KAZN: variants seen among roughly 807,000 people sequenced by gnomAD.
The protein encoded by KAZN is kazrin.
In KAZN, 40 loss-of-function variants were observed where a neutral mutation model predicts 87.4. The ratio of observed to expected loss-of-function variants is 0.46; its 90% CI spans 0.36 to 0.60. The LOEUF (loss-of-function observed/expected upper bound fraction) is 0.60. Ranked by LOEUF, KAZN falls within the 20% of genes least tolerant of loss-of-function variation. The probability of loss-of-function intolerance (pLI) is 0.00; values close to 1 mark genes in which losing one functional copy is unlikely to be tolerated. For missense variants in KAZN, 898 were observed against 1,073.9 expected (o/e 0.84, Z 2.29); for synonymous variants, 466 against 458.3 (o/e 1.02, Z -0.22).
chr1:14,604,505 A>C (rs933180369), intron 1 of KAZN, among the ~76,000 whole-genome samples: 1 of 152,158 alleles, frequency 6.6e-6, no homozygotes, highest in Non-Finnish European at 1.5e-5. Flanking sequence ...ACACCAGAAC[A>C]TTCTTGCTTG....
At chr1:14,151,300 A>G (rs778740653) in intron 1 of KAZN, among the ~76,000 whole-genome samples, 1 of 152,124 alleles carries the variant, frequency 6.6e-6, no homozygotes. Context: ...GTTTTGAACC[A>G]TGCATTTTTT....
intron 1 of KAZN, among the ~76,000 whole-genome samples, chr1:14,901,143 G>A (rs544003454): frequency 6.6e-6 from 1 of 152,242 alleles, no homozygotes; most frequent in East Asian, 1.9e-4. Flanking sequence ...AAACTGGTCG[G>A]GGACAACTGG....
chr1:13,930,355 C>G (rs1272262182), intron 1 of KAZN, among the ~76,000 whole-genome samples: 1 of 152,180 alleles, frequency 6.6e-6, no homozygotes, highest in Non-Finnish European at 1.5e-5. Context: ...GGTGAACCAC[C>G]AGCAGAGGGC....
At chr1:15,027,549 T>C (rs535494216) in intron 2 of KAZN, among the ~76,000 whole-genome samples, 9 of 152,310 alleles carry the variant, frequency 5.9e-5, no homozygotes, top group African/African-American at 2.2e-4. Flanking sequence ...TGGGTGTTTA[T>C]TAGAAGTTCA....
chr1:15,048,412 ATGTGTGTGTATGTGTGTG>A (rs1557753775), intron 4 of KAZN, among the ~76,000 whole-genome samples: 1 of 137,936 alleles, frequency 7.2e-6, no homozygotes, highest in African/African-American at 2.9e-5. Context: ...AAGGGACCGC[ATGTGTGTGTATGTGTGTG>A]TGTGTGTGTA....
At chr1:14,102,637 C>T (rs1379761774) in intron 1 of KAZN, among the ~76,000 whole-genome samples, 1 of 152,144 alleles carries the variant, frequency 6.6e-6, no homozygotes, top group Admixed American at 6.5e-5. Context: ...GGGGGATTAT[C>T]GTCTCCCATC....
chr1:14,481,549 G>T (rs1239368210), intron 2 of KAZN, among the ~76,000 whole-genome samples: 1 of 152,104 alleles, frequency 6.6e-6, no homozygotes, highest in Non-Finnish European at 1.5e-5. Flanking sequence ...ACCTATTTTT[G>T]ATCTCTGGCT....
chr1:14,366,398 T>C (rs983808159), intron 2 of KAZN, among the ~76,000 whole-genome samples: 2 of 152,244 alleles, frequency 1.3e-5, no homozygotes, highest in Admixed American at 6.5e-5. Context: ...GGTCAGTCTT[T>C]CTCTGTATAT....
chr1:14,764,426 T>A (rs1162468358), intron 1 of KAZN, among the ~76,000 whole-genome samples: 1 of 146,058 alleles, frequency 6.8e-6, no homozygotes, highest in African/African-American at 2.5e-5. Context: ...TGTTCCTTTT[T>A]TTCCCAACCT....
At chr1:14,521,507 G>A (rs1671588505) in intron 2 of KAZN, among the ~76,000 whole-genome samples, 1 of 152,208 alleles carries the variant, frequency 6.6e-6, no homozygotes, top group South Asian at 2.1e-4. Context: ...CTGTAATGCT[G>A]AGAAATTGAA....
intron 1 of KAZN, among the ~76,000 whole-genome samples, chr1:14,141,237 A>G (rs1236107752): frequency 3.2e-3 from 87 of 27,220 alleles, no homozygotes; most frequent in Admixed American, 0.025. Flanking sequence ...ATTACCATTT[A>G]AAAAAAAAAA....
chr1:14,747,268 T>TTTTA lies in KAZN; in HGVS notation c.226+148065_226+148068dup, dbSNP rs200091957. Among the ~76,000 whole-genome samples the TTTTA allele has an allele frequency of 2.8e-3, 428 of 152,108 alleles. 9 individuals carry two copies. The highest frequency in any genetic ancestry group is 6.5e-4 in the Non-Finnish European group (44 of 67,998). On this transcript the variant is annotated intron_variant, in intron 1 of 14. Transcript: ENST00000376030. ...GATAGATATCACATTTTTATTTTTATTTTATTTATTTATTTATTTATTTTT... is the reference window on the plus strand; with the variant it reads ...GATAGATATCACATTTTTATTTTTATTTTATTTATTTATTTATTTATTTATTTTT...
In KAZN at chr1:14,868,457, G is replaced by A. The variant is rs1052101811; in HGVS notation, c.227-92227G>A. Among the ~76,000 whole-genome samples, 14 of 152,304 alleles carry A rather than the reference G, an allele frequency of 9.2e-5. No homozygotes were observed. The East Asian group carries it at 9.6e-4, about 10-fold the overall frequency. On this transcript the variant is annotated intron_variant, in intron 1 of 14. Transcript: ENST00000376030. ...TGGAGCAACTCATCTAGGGCCACACGTTACAAGACCTGGGATTTGAAACCA... is the reference window on the plus strand; with the variant it reads ...TGGAGCAACTCATCTAGGGCCACACATTACAAGACCTGGGATTTGAAACCA...
intron 3 of KAZN, among the ~76,000 whole-genome samples, chr1:15,042,000 T>G (rs922259973): frequency 6.6e-6 from 1 of 152,234 alleles, no homozygotes; most frequent in Non-Finnish European, 1.5e-5. Flanking sequence ...TACAGAACGT[T>G]CTGTGACAGT....
chr1:14,285,103 A>T (rs1189525067), intron 2 of KAZN, among the ~76,000 whole-genome samples: 5 of 152,202 alleles, frequency 3.3e-5, no homozygotes, highest in South Asian at 2.1e-4. Flanking sequence ...ACCACTGATT[A>T]CCTGTGACCT....
chr1:14,107,133 T>G (rs1016751135), intron 1 of KAZN, among the ~76,000 whole-genome samples: 2 of 136,322 alleles, frequency 1.5e-5, no homozygotes, highest in African/African-American at 5.5e-5. Flanking sequence ...AAGTGTAGAT[T>G]GCTGTGTTGT....
In KAZN at chr1:15,065,737, C is replaced by A. The variant is rs200841580; in HGVS notation, c.1206C>A (p.Asp402Glu). 8 of 1,614,140 alleles carry A rather than the reference C, an allele frequency of 5.0e-6. No individual in the cohort carries two copies. In the Admixed American group the frequency reaches 1.3e-4, roughly 27 times the overall value. ...GAGGGAAGCAGCGGAAGTCCCTCGACCCCGGCCTCTTTGATGGTACCGCCC... is the reference window on the plus strand; with the variant it reads ...GAGGGAAGCAGCGGAAGTCCCTCGAACCCGGCCTCTTTGATGGTACCGCCC... ...FARGKQRKSL[D>E]PGLFDDSDSQ... Residue 402 changes from aspartate (D) to glutamate (E), a missense_variant, in exon 8 of 15, where the codon GAC becomes GAA. Asp to Glu is a conservative substitution (Grantham distance 45, BLOSUM62 2). Around this residue, in one of 3 missense-constraint regions of KAZN, gnomAD observed 521 missense variants for 689.4 expected, o/e 0.76. Coordinates refer to ENST00000376030, the MANE Select transcript of KAZN (RefSeq NM_201628.3).
rs186601402 is a variant in KAZN at position 13,907,863 on chromosome 1, C to T, written c.91+14107C>T. 1.9e-3 allele frequency among the ~76,000 whole-genome samples: 292 copies of T among 152,136 alleles called. 2 individuals are homozygous for T. Among genetic ancestry groups the T allele is most frequent in the African/African-American group, 6.2e-3 (256 of 41,486 alleles). Reference sequence around the variant, plus strand: ...TTGGCTTGGATGATACTTCTTGTGCCCCTGTTGGGTGAGGTTATAAGACTG... The same window carrying T: ...TTGGCTTGGATGATACTTCTTGTGCTCCTGTTGGGTGAGGTTATAAGACTG... On this transcript the variant is annotated intron_variant, in intron 1 of 16. Coordinates refer to the KAZN transcript ENST00000636203.
chr1:14,830,119 C>T (rs1453866462), intron 1 of KAZN, among the ~76,000 whole-genome samples: 1 of 152,198 alleles, frequency 6.6e-6, no homozygotes, highest in Non-Finnish European at 1.5e-5. Flanking sequence ...CCAAAGGTAG[C>T]TGGCTTCAGG....
Sources: allele counts gnomAD v4.1 joint callset (sites outside exome capture counted in the v4.1 genomes callset), GRCh38; gene constraint gnomAD v4.1.1; regional missense constraint gnomAD v4.1.1; transcripts MANE v1.5; gene names NCBI Gene and HGNC (gene_info 2026-07-23, HGNC 2026-07-21).